DEPDC1B: variants seen among roughly 807,000 people sequenced by gnomAD.
DEPDC1B encodes the protein DEP domain-containing protein 1B.
A neutral mutation model predicts 66.5 loss-of-function variants in DEPDC1B; 51 were observed. That is an observed-to-expected ratio of 0.77 (90% CI 0.61 to 0.97). DEPDC1B has a LOEUF of 0.97. Among genes scored for constraint, DEPDC1B ranks in the 50% least tolerant of loss-of-function variants. The pLI is 0.00. For missense variants in DEPDC1B, 552 were observed against 637.1 expected (o/e 0.87, Z 1.44); for synonymous variants, 226 against 223.6 (o/e 1.01, Z -0.10).
intron 6 of DEPDC1B, among the ~76,000 whole-genome samples, chr5:60,641,086 C>A (rs1050598708): frequency 6.6e-6 from 1 of 152,182 alleles, no homozygotes; most frequent in Non-Finnish European, 1.5e-5. Flanking sequence ...TATCATGCCA[C>A]CTCACACACA....
At chr5:60,637,639 A>C (rs1330843229) in intron 7 of DEPDC1B, among the ~76,000 whole-genome samples, 1 of 152,328 alleles carries the variant, frequency 6.6e-6, no homozygotes, top group East Asian at 1.9e-4. Flanking sequence ...CATGATGCTC[A>C]CAAGTCCATG....
At chr5:60,675,092 A>G (rs909614136) in intron 2 of DEPDC1B, among the ~76,000 whole-genome samples, 1 of 152,164 alleles carries the variant, frequency 6.6e-6, no homozygotes, top group Non-Finnish European at 1.5e-5. Flanking sequence ...AAGGAGGAAC[A>G]TACAAATGAC....
At chr5:60,694,002 A>C (rs1340600740) in intron 1 of DEPDC1B, among the ~76,000 whole-genome samples, 1 of 152,156 alleles carries the variant, frequency 6.6e-6, no homozygotes, top group African/African-American at 2.4e-5. Flanking sequence ...AATATTTCCA[A>C]ATATCACTAG....
chr5:60,612,434 A>G (rs1396486621), intron 7 of DEPDC1B, among the ~76,000 whole-genome samples: 1 of 151,614 alleles, frequency 6.6e-6, no homozygotes, highest in Admixed American at 6.6e-5. Flanking sequence ...AAAAAAAAAA[A>G]AAAATAGAAT....
chr5:60,663,579 C>G (rs1052017917), intron 2 of DEPDC1B, among the ~76,000 whole-genome samples: 1 of 152,194 alleles, frequency 6.6e-6, no homozygotes, highest in African/African-American at 2.4e-5. Flanking sequence ...TCTTATTTGC[C>G]TTTAAAGATC....
At chr5:60,667,209 A>C (rs964133678) in intron 2 of DEPDC1B, among the ~76,000 whole-genome samples, 4 of 152,122 alleles carry the variant, frequency 2.6e-5, no homozygotes, top group African/African-American at 9.7e-5. Context: ...AGGTATTAAG[A>C]CCACACAACA....
chr5:60,657,126 C>T (rs778981670), intron 2 of DEPDC1B, among the ~76,000 whole-genome samples: 34 of 152,168 alleles, frequency 2.2e-4, no homozygotes, highest in Non-Finnish European at 1.2e-4. Context: ...TCGCTTTTGG[C>T]ATCCATTTGC....
chr5:60,615,711 TG>T (rs942900233), intron 7 of DEPDC1B, among the ~76,000 whole-genome samples: 9 of 152,210 alleles, frequency 5.9e-5, no homozygotes, highest in Admixed American at 3.9e-4. Context: ...ACTCCACCTC[TG>T]GGGGCAGGGC....
chr5:60,624,349 G>C (rs977166259), intron 7 of DEPDC1B, among the ~76,000 whole-genome samples: 2 of 152,008 alleles, frequency 1.3e-5, no homozygotes, highest in Admixed American at 1.3e-4. Context: ...ACCCTACTTG[G>C]CCATGATGTA....
At chr5:60,629,117 C>T (rs771308847) in intron 7 of DEPDC1B, among the ~76,000 whole-genome samples, 4 of 152,192 alleles carry the variant, frequency 2.6e-5, no homozygotes, top group Non-Finnish European at 5.9e-5. Context: ...AGCTTCTGTA[C>T]AGCTTCTCCG....
intron 7 of DEPDC1B, among the ~76,000 whole-genome samples, chr5:60,608,118 C>A (rs1345501353): frequency 6.6e-6 from 1 of 152,196 alleles, no homozygotes; most frequent in Non-Finnish European, 1.5e-5. Context: ...GGAAGACACA[C>A]AGTATGCTGA....
At chr5:60,640,613 G>C (rs1443684052) in intron 6 of DEPDC1B, among the ~76,000 whole-genome samples, 4 of 152,240 alleles carry the variant, frequency 2.6e-5, no homozygotes, top group South Asian at 4.1e-4. Flanking sequence ...CAGTTAACTT[G>C]GTTTTGCATT....
intron 2 of DEPDC1B, among the ~76,000 whole-genome samples, chr5:60,648,522 T>G (rs1240894173): frequency 1.3e-5 from 2 of 152,210 alleles, no homozygotes; most frequent in Non-Finnish European, 2.9e-5. Context: ...TGTCTTTTCT[T>G]GCAGGAATAT....
intron 2 of DEPDC1B, among the ~76,000 whole-genome samples, chr5:60,651,024 G>A (rs1753438811): frequency 6.6e-6 from 1 of 152,106 alleles, no homozygotes; most frequent in Non-Finnish European, 1.5e-5. Context: ...TATGACTACC[G>A]TGAGCCCACC....
At chr5:60,628,990 G>A (rs1379120156) in intron 7 of DEPDC1B, among the ~76,000 whole-genome samples, 1 of 152,152 alleles carries the variant, frequency 6.6e-6, no homozygotes, top group Non-Finnish European at 1.5e-5. Context: ...AGTAGCTTGT[G>A]TAGGATTCCT....
intron 2 of DEPDC1B, among the ~76,000 whole-genome samples, chr5:60,652,335 G>A (rs1276715833): frequency 2.0e-5 from 3 of 149,116 alleles, no homozygotes; most frequent in Non-Finnish European, 2.9e-5. Flanking sequence ...AACCGGTCTG[G>A]AGATGGTGGT....
intron 7 of DEPDC1B, among the ~76,000 whole-genome samples, chr5:60,614,553 T>C (rs1367216555): frequency 6.6e-6 from 1 of 152,192 alleles, no homozygotes; most frequent in Non-Finnish European, 1.5e-5. Context: ...CTTAATCTCT[T>C]CTCTTTTTTT....
intron 8 of DEPDC1B, among the ~76,000 whole-genome samples, chr5:60,603,846 T>TATATATATATAC (rs1491589366): frequency 1.4e-4 from 19 of 134,392 alleles, no homozygotes; most frequent in African/African-American, 4.2e-4. Flanking sequence ...TATATATATA[T>TATATATATATAC]ACACACACAT....
chr5:60,617,189 A>T (rs1752578269), intron 7 of DEPDC1B, among the ~76,000 whole-genome samples: 1 of 152,208 alleles, frequency 6.6e-6, no homozygotes. Flanking sequence ...AATCATGCCA[A>T]ATTGTAAAGA....
Sources: gnomAD v4.1 joint callset for allele counts (sites outside exome capture counted in the v4.1 genomes callset) on GRCh38, gnomAD v4.1.1 for gene constraint, MANE v1.5 for transcripts, NCBI Gene and HGNC (gene_info 2026-07-23, HGNC 2026-07-21) for gene names.